CERK: variants seen among roughly 807,000 people sequenced by gnomAD.
CERK encodes acylsphingosine kinase.
CERK carries 39 observed loss-of-function variants against 63.4 expected under a neutral mutation model. The ratio of observed to expected loss-of-function variants is 0.61; its 90% CI spans 0.48 to 0.80. The LOEUF (loss-of-function observed/expected upper bound fraction) is 0.80, where lower values mean the gene tolerates loss of function less well. Ranked by LOEUF, CERK falls within the 30% of genes least tolerant of loss-of-function variation. CERK has a pLI of 0.00. For missense variants in CERK, 670 were observed against 714.1 expected (o/e 0.94, Z 0.70); for synonymous variants, 302 against 280.0 (o/e 1.08, Z -0.78).
At chr22:46,699,489 G>A (rs779590444) in intron 7 of CERK, 24 bp from the exon 8 acceptor site, 2 of 1,612,490 alleles carry the variant, frequency 1.2e-6, no homozygotes, top group Non-Finnish European at 1.7e-6. Flanking sequence ...CGGCCGTGAG[G>A]GAAGGCAGCC....
At chr22:46,715,270 A>G (rs1465944357) in intron 3 of CERK, among the ~76,000 whole-genome samples, 2 of 152,222 alleles carry the variant, frequency 1.3e-5, no homozygotes, top group Admixed American at 1.3e-4. Context: ...AAAAGAAATA[A>G]AAGAGAGAAG....
intron 1 of CERK, among the ~76,000 whole-genome samples, chr22:46,736,131 G>A (rs147572564): frequency 6.6e-6 from 1 of 152,182 alleles, no homozygotes; most frequent in Non-Finnish European, 1.5e-5. Context: ...GGATGAACCC[G>A]CACAAAAGCA....
intron 11 of CERK, among the ~76,000 whole-genome samples, chr22:46,690,953 G>A (rs2082727054): frequency 6.6e-6 from 1 of 151,982 alleles, no homozygotes; most frequent in African/African-American, 2.4e-5. Context: ...GTATATGTAT[G>A]TATGTATGTG....
At chr22:46,687,433 G>A (rs559327448) in intron 12 of CERK, among the ~76,000 whole-genome samples, 25 of 152,330 alleles carry the variant, frequency 1.6e-4, no homozygotes, top group Middle Eastern at 3.4e-3. Context: ...GGCCCTGGGC[G>A]TGGAATAATT....
intron 1 of CERK, among the ~76,000 whole-genome samples, chr22:46,723,560 C>A (rs5769113): frequency 0.96 from 145,246 of 151,946 alleles, 69,487 homozygotes; most frequent in East Asian, 1. Flanking sequence ...CGGAGGTTGC[C>A]GTGAGCCGAG....
Position 46,738,108 on chromosome 22 carries a change from A to C in CERK, c.41T>G (p.Leu14Arg). ...GGCGCAGCGCTGCTGCTTCACCCACAGCACGGATTGCAGCGGCTCCGCCGC... is the reference window on the plus strand; with the variant it reads ...GGCGCAGCGCTGCTGCTTCACCCACCGCACGGATTGCAGCGGCTCCGCCGC... ...TGAAEPLQSVLWVKQQRCAVS... is the reference protein window; with the variant it reads ...TGAAEPLQSVRWVKQQRCAVS... Residue 14 changes from leucine (L) to arginine (R), a missense_variant, in exon 1 of 13, where the codon CTG (leucine) becomes CGG (arginine). Leu to Arg is a moderately radical substitution (Grantham distance 102). Transcript: ENST00000216264. The C allele has an allele frequency of 3.9e-6, 5 of 1,271,844 alleles. No individual in the cohort carries two copies. Among genetic ancestry groups the C allele is most frequent in the Non-Finnish European group, 5.0e-6 (5 of 1,000,648 alleles). 78.8% of individuals were successfully genotyped at this position (1,271,844 alleles called of 1,614,324 possible). A position where few individuals can be genotyped will look rare whatever the true frequency, so the allele number is the denominator to read the frequency against.
At chr22:46,736,913 G>A (rs2082976787) in intron 1 of CERK, among the ~76,000 whole-genome samples, 1 of 152,136 alleles carries the variant, frequency 6.6e-6, no homozygotes, top group South Asian at 2.1e-4. Context: ...ATCCACCAGA[G>A]AATCTTGGCC....
At position 46,712,217 on chromosome 22, in the gene CERK, T is replaced by G. The variant is rs1247402838; in HGVS notation, c.456A>C (p.Arg152Ser). 12 of 1,614,234 alleles carry G rather than the reference T, an allele frequency of 7.4e-6. No individual in the cohort carries two copies. The highest frequency in any genetic ancestry group is 9.3e-6 in the Non-Finnish European group (11 of 1,180,032). ...GKGQGKRIYE[R>S]KVAPLFTLAS... ...CTAAGGTGAACAGTGGTGCCACTTTTCTTTCATATATCCGCTTGCCTTGTC... is the reference window on the plus strand; with the variant it reads ...CTAAGGTGAACAGTGGTGCCACTTTGCTTTCATATATCCGCTTGCCTTGTC... The change falls in exon 4 of 13, where the codon AGA becomes AGC. Residue 152 changes from arginine (R) to serine (S), a missense_variant. By Grantham distance (110) the Arg-to-Ser change is moderately radical. Coordinates refer to ENST00000216264, the MANE Select transcript of CERK (RefSeq NM_022766.6).
At position 46,686,788 on chromosome 22, in the gene CERK, G is replaced by GTA; in HGVS notation, c.*345_*346insTA. ...CAGGCCCAGATGGTGTGACCTGCGT[G>GTA]GAAATCATATAATGTCCCTAACATT... On this transcript the variant is annotated 3_prime_UTR_variant, in exon 13 of 13. Coordinates refer to ENST00000216264, the MANE Select transcript of CERK (RefSeq NM_022766.6). The GTA allele has an allele frequency of 4.3e-6, 1 of 232,844 alleles. No homozygotes were observed. The highest frequency in any genetic ancestry group is 8.6e-6 in the Non-Finnish European group (1 of 116,018). The allele number at this position is 232,844 out of a possible 1,614,324, so 14.4% of individuals were successfully genotyped here. A position where few individuals can be genotyped will look rare whatever the true frequency, so the allele number is the denominator to read the frequency against.
intron 1 of CERK, among the ~76,000 whole-genome samples, chr22:46,731,698 C>T (rs946846683): frequency 7.9e-5 from 12 of 152,280 alleles, no homozygotes; most frequent in South Asian, 4.1e-4. Flanking sequence ...GAGATAATGA[C>T]GGCTGGGCTG....
intron 7 of CERK, 50 bp downstream of exon 7, chr22:46,701,586 G>C: frequency 1.4e-6 from 2 of 1,477,008 alleles, no homozygotes; most frequent in Non-Finnish European, 1.8e-6. Flanking sequence ...AGGCCTGGGG[G>C]CGCAGGAGGC....
chr22:46,686,789 G>T lies in CERK; in HGVS notation c.*345C>A. The T allele has an allele frequency of 4.3e-6, 1 of 232,902 alleles. No individual in the cohort carries two copies. Among genetic ancestry groups the T allele is most frequent in the South Asian group, 6.4e-5 (1 of 15,592 alleles). The allele number at this position is 232,902 out of a possible 1,614,324, so 14.4% of individuals were successfully genotyped here. A position where few individuals can be genotyped will look rare whatever the true frequency, so the allele number is the denominator to read the frequency against. On this transcript the variant is annotated 3_prime_UTR_variant, in exon 13 of 13. Transcript: ENST00000216264. ...AGGCCCAGATGGTGTGACCTGCGTG[G>T]AAATCATATAATGTCCCTAACATTA...
intron 1 of CERK, among the ~76,000 whole-genome samples, chr22:46,737,512 A>T (rs2082980798): frequency 6.6e-6 from 1 of 152,154 alleles, no homozygotes; most frequent in Non-Finnish European, 1.5e-5. Flanking sequence ...ACAGAAAGTC[A>T]GGGGCCCCTT....
intron 5 of CERK, 80 bp downstream of exon 5, chr22:46,711,006 A>G: frequency 2.7e-6 from 3 of 1,132,076 alleles, no homozygotes; most frequent in South Asian, 1.3e-5. Flanking sequence ...ATTTAGGAAA[A>G]GGAGCTCTCA....
intron 8 of CERK, among the ~76,000 whole-genome samples, chr22:46,697,368 T>C (rs1302670474): frequency 6.6e-6 from 1 of 152,154 alleles, no homozygotes; most frequent in Non-Finnish European, 1.5e-5. Flanking sequence ...TGGCCTGATC[T>C]CTGCTCACTG....
intron 6 of CERK, among the ~76,000 whole-genome samples, chr22:46,705,043 G>A (rs1031193299): frequency 6.6e-6 from 1 of 152,244 alleles, no homozygotes; most frequent in Non-Finnish European, 1.5e-5. Flanking sequence ...TGGGATAAAA[G>A]TTAAACCACA....
intron 1 of CERK, among the ~76,000 whole-genome samples, chr22:46,727,519 C>T (rs2082925142): frequency 6.7e-6 from 1 of 149,992 alleles, no homozygotes; most frequent in Admixed American, 6.7e-5. Context: ...GTCTCTCTAA[C>T]TCCTGGGCTC....
intron 1 of CERK, among the ~76,000 whole-genome samples, chr22:46,734,670 T>C (rs2082963481): frequency 1.3e-5 from 2 of 152,232 alleles, no homozygotes; most frequent in African/African-American, 4.8e-5. Context: ...AATCGATTTT[T>C]AAAAATCATG....
intron 1 of CERK, among the ~76,000 whole-genome samples, chr22:46,727,805 C>T (rs533977564): frequency 1.6e-4 from 24 of 150,062 alleles, no homozygotes; most frequent in African/African-American, 4.9e-4. Flanking sequence ...CTGCACATGC[C>T]GCCCCAACAC....
Sources: gnomAD v4.1 joint callset for allele counts (sites outside exome capture counted in the v4.1 genomes callset) on GRCh38, gnomAD v4.1.1 for gene constraint, MANE v1.5 for transcripts, NCBI Gene and HGNC (gene_info 2026-07-23, HGNC 2026-07-21) for gene names.